The following SYCP1 variants were observed in gnomAD, a reference collection of about 807,000 sequenced individuals.
The protein encoded by SYCP1 is cancer/testis antigen 8.
In SYCP1, 64 loss-of-function variants were observed where a neutral mutation model predicts 153.1. The observed-to-expected ratio is 0.42, with a 90% CI of 0.34 to 0.51. The LOEUF (loss-of-function observed/expected upper bound fraction) is 0.51. SYCP1 is among the 20% of genes least tolerant of loss of function. The probability of loss-of-function intolerance (pLI) is 0.06; values close to 1 mark genes in which losing one functional copy is unlikely to be tolerated. For missense variants in SYCP1, 997 were observed against 1,049.0 expected, an observed-to-expected ratio of 0.95 and a Z score of 0.68; for synonymous variants, 384 against 341.8, an observed-to-expected ratio of 1.12 and a Z score of -1.36.
At chr1:114,936,278 A>G (rs1256348881) in intron 23 of SYCP1, among the ~76,000 whole-genome samples, 6 of 152,220 alleles carry the variant, frequency 3.9e-5, no homozygotes, top group Non-Finnish European at 1.5e-5. Context: ...AATCCATCAC[A>G]TAAACAGAAC....
chr1:114,983,404 C>G (rs115008296), intron 29 of SYCP1, among the ~76,000 whole-genome samples: 104 of 152,054 alleles, frequency 6.8e-4, no homozygotes, highest in Admixed American at 2.3e-3. Flanking sequence ...ATTCTGCCCC[C>G]TACTTCACAC....
intron 27 of SYCP1, among the ~76,000 whole-genome samples, chr1:114,968,609 T>C (rs933268270): frequency 3.3e-5 from 5 of 152,206 alleles, no homozygotes; most frequent in African/African-American, 1.2e-4. Flanking sequence ...CTTCTTTGCA[T>C]TGGGTTAGAA....
At chr1:114,983,679 A>T (rs564166931) in intron 29 of SYCP1, among the ~76,000 whole-genome samples, 1 of 151,958 alleles carries the variant, frequency 6.6e-6, no homozygotes. Flanking sequence ...AAGTTAAGAC[A>T]CCACGAAGTT....
rs188389382 is a variant in SYCP1 at position 114,938,034 on chromosome 1, A to G, written c.1927-6305A>G. Among the ~76,000 whole-genome samples, 156 of 152,324 alleles carry G rather than the reference A, an allele frequency of 1.0e-3. 2 individuals carry two copies. The highest frequency in any genetic ancestry group is 3.6e-3 in the African/African-American group (151 of 41,570). ...ACTAGAAATACCATTTGACCCAGAG[A>G]TCCCATTACTGGTTATATACCCAAA... On this transcript the variant is annotated intron_variant, in intron 23 of 31. Coordinates refer to ENST00000369522, the MANE Select transcript of SYCP1 (RefSeq NM_003176.4).
At chr1:114,862,401 T>G (rs1570650300) in intron 8 of SYCP1, among the ~76,000 whole-genome samples, 1 of 150,944 alleles carries the variant, frequency 6.6e-6, no homozygotes, top group Admixed American at 6.6e-5. Context: ...CAGGCTGGAG[T>G]GCAGTGGCAC....
intron 27 of SYCP1, among the ~76,000 whole-genome samples, chr1:114,958,210 TCTCA>T (rs1285822564): frequency 2.0e-5 from 3 of 152,144 alleles, no homozygotes; most frequent in African/African-American, 7.2e-5. Flanking sequence ...TGTTAAATAT[TCTCA>T]CTCATATGTG....
intron 16 of SYCP1, among the ~76,000 whole-genome samples, chr1:114,897,403 G>A (rs973539725): frequency 2.0e-5 from 3 of 152,170 alleles, no homozygotes; most frequent in African/African-American, 7.2e-5. Context: ...TAGGTGGTAA[G>A]GACAGCTCAA....
intron 1 of SYCP1, 98 bp from the exon 2 acceptor site, chr1:114,855,343 A>C: frequency 1.7e-6 from 1 of 583,384 alleles, no homozygotes; most frequent in Non-Finnish European, 2.8e-6. Flanking sequence ...TTTTTTAGCC[A>C]TTTAGTTTGT....
chr1:114,923,398 C>T lies in SYCP1; in HGVS notation c.1719-51C>T, dbSNP rs746948265. ...CTTATTTTGAGTTATTTGAGATCTT[C>T]TATAGGCCTAATAATTTTTAGTATA... On this transcript the variant is annotated intron_variant, in intron 20 of 31. Transcript: ENST00000369522. The T allele has an allele frequency of 6.7e-6, 10 of 1,491,652 alleles. No homozygotes were observed. In the South Asian group the frequency reaches 1.3e-4, roughly 19 times the overall value. The allele number at this position is 1,491,652 out of a possible 1,614,324, so 92.4% of individuals were successfully genotyped here. A position where few individuals can be genotyped will look rare whatever the true frequency, so the allele number is the denominator to read the frequency against.
intron 19 of SYCP1, 32 bp from the exon 20 acceptor site, chr1:114,913,943 A>C (rs774644050): frequency 6.9e-7 from 1 of 1,445,916 alleles, no homozygotes; most frequent in Admixed American, 2.3e-5. Flanking sequence ...GTTTAAACAA[A>C]ATAATTGATA....
rs532817464 is a variant in SYCP1 at position 114,903,216 on chromosome 1, C to T, written c.1321-7181C>T. On this transcript the variant is annotated intron_variant, in intron 16 of 31. Coordinates refer to ENST00000369522, the MANE Select transcript of SYCP1 (RefSeq NM_003176.4). ...AAACATTTGTTGAGTTTTAATTATG[C>T]TAAAACTCTGGGGATACAGTGGGGA... Among the ~76,000 whole-genome samples the T allele has an allele frequency of 1.1e-3, 169 of 152,148 alleles. 2 individuals are homozygous for T. Among genetic ancestry groups the T allele is most frequent in the Non-Finnish European group, 1.3e-3 (86 of 67,980 alleles).
At chr1:114,939,070 A>G (rs360669) in intron 23 of SYCP1, among the ~76,000 whole-genome samples, 58,588 of 151,956 alleles carry the variant, frequency 0.39, 12,513 homozygotes, top group East Asian at 0.5. Context: ...TATACCTAAA[A>G]GAATTGAAAG....
At chr1:114,971,844 A>G (rs956796522) in intron 27 of SYCP1, among the ~76,000 whole-genome samples, 2 of 152,026 alleles carry the variant, frequency 1.3e-5, no homozygotes, top group Admixed American at 6.6e-5. Flanking sequence ...TTTTTGCATC[A>G]ATGTTCATCC....
At chr1:114,982,546 G>C (rs1482759486) in intron 29 of SYCP1, among the ~76,000 whole-genome samples, 1 of 151,418 alleles carries the variant, frequency 6.6e-6, no homozygotes, top group Non-Finnish European at 1.5e-5. Context: ...TTTAATTCCA[G>C]AATTTCTATT....
chr1:114,876,010 A>G, intron 9 of SYCP1, 59 bp from the exon 10 acceptor site: 1 of 1,143,024 alleles, frequency 8.7e-7, no homozygotes. Context: ...ATATTTTCAT[A>G]GTTTGAAGAA....
At chr1:114,982,078 T>G (rs902383074) in intron 29 of SYCP1, among the ~76,000 whole-genome samples, 1 of 152,048 alleles carries the variant, frequency 6.6e-6, no homozygotes. Flanking sequence ...AACTTTTCCA[T>G]GCTAAATGGC....
chr1:114,891,849 G>A (rs889281801), intron 15 of SYCP1, among the ~76,000 whole-genome samples: 5 of 152,264 alleles, frequency 3.3e-5, no homozygotes, highest in South Asian at 2.1e-4. Flanking sequence ...AACAGACATG[G>A]TATTTGTTCT....
At chr1:114,922,556 G>A (rs546296327) in intron 20 of SYCP1, among the ~76,000 whole-genome samples, 2 of 152,134 alleles carry the variant, frequency 1.3e-5, no homozygotes, top group South Asian at 4.1e-4. Context: ...TGTTGCAAGA[G>A]TTCGCTATTG....
intron 27 of SYCP1, among the ~76,000 whole-genome samples, chr1:114,968,762 G>T (rs1382515001): frequency 6.6e-6 from 1 of 152,284 alleles, no homozygotes; most frequent in East Asian, 1.9e-4. Flanking sequence ...AGGCATTCTG[G>T]TTTTTGGAAT....
Sources: gnomAD v4.1 joint callset for allele counts (sites outside exome capture counted in the v4.1 genomes callset) on GRCh38, gnomAD v4.1.1 for gene constraint, MANE v1.5 for transcripts, NCBI Gene and HGNC (gene_info 2026-07-23, HGNC 2026-07-21) for gene names.